Variants in NCAPH observed in about 807,000 individuals in gnomAD.
The protein encoded by NCAPH is non-SMC condensin I complex subunit H.
In NCAPH, 38 loss-of-function variants were observed where a neutral mutation model predicts 85.5. The observed-to-expected ratio is 0.44, with a 90% CI of 0.34 to 0.58. The LOEUF (loss-of-function observed/expected upper bound fraction) is 0.58, where lower values mean the gene tolerates loss of function less well. Ranked by LOEUF, NCAPH falls within the 20% of genes least tolerant of loss-of-function variation. The pLI is 0.01. For synonymous variants in NCAPH, 301 were observed against 335.1 expected (o/e 0.90, Z 1.11); for missense variants, 789 against 916.6 (o/e 0.86, Z 1.80).
At chr2:96,361,645 A>C (rs1027421908) in intron 12 of NCAPH, among the ~76,000 whole-genome samples, 7 of 151,298 alleles carry the variant, frequency 4.6e-5, no homozygotes, top group African/African-American at 1.5e-4. Flanking sequence ...CATTCCATTC[A>C]CATCCTCTGC....
At chr2:96,341,496 A>G (rs2064293782) in intron 1 of NCAPH, 146 bp from the exon 2 acceptor site, 1 of 1,102,172 alleles carries the variant, frequency 9.1e-7, no homozygotes, top group Non-Finnish European at 1.3e-6. Flanking sequence ...CCCAAACTCT[A>G]GAGGTTCTAG....
chr2:96,360,182 CA>C lies in NCAPH; in HGVS notation c.1404del (p.Asp469IlefsTer25). On this transcript the variant is annotated frameshift_variant, in exon 11 of 18. Coordinates refer to ENST00000240423, the MANE Select transcript of NCAPH (RefSeq NM_015341.5). LOFTEE classifies it high-confidence loss of function. ...CAATCAGAAAACAAAAAGAAGAGTA[CA>C]AAAAAAGATTTTGAAATTGACTTTG... ...PSQSENKKKS[T>X]KKDFEIDFED... 3 of 1,591,484 alleles carry C rather than the reference CA, an allele frequency of 1.9e-6. No homozygotes were observed. Among genetic ancestry groups the C allele is most frequent in the Non-Finnish European group, 2.6e-6 (3 of 1,162,370 alleles).
At chr2:96,362,019 C>T (rs968453634) in intron 12 of NCAPH, among the ~76,000 whole-genome samples, 5 of 151,554 alleles carry the variant, frequency 3.3e-5, no homozygotes, top group Non-Finnish European at 5.9e-5. Context: ...ACAGGGATTA[C>T]AGGCGTGAGC....
intron 6 of NCAPH, among the ~76,000 whole-genome samples, chr2:96,349,967 CAGGT>C (rs904381353): frequency 7.2e-5 from 11 of 152,270 alleles, no homozygotes; most frequent in African/African-American, 2.6e-4. Flanking sequence ...GGTGTCTTGT[CAGGT>C]AGGCATTGCC....
chr2:96,354,488 T>G, intron 9 of NCAPH, 100 bp downstream of exon 9: 1 of 1,068,840 alleles, frequency 9.4e-7, no homozygotes, highest in Non-Finnish European at 1.2e-6. Context: ...CTTTCTTTTT[T>G]TTTCCCCCCC....
intron 5 of NCAPH, among the ~76,000 whole-genome samples, chr2:96,343,814 C>T (rs1355652665): frequency 2.0e-5 from 3 of 151,810 alleles, no homozygotes; most frequent in Non-Finnish European, 4.4e-5. Context: ...GATCCTCCTG[C>T]CTCACCACCC....
At position 96,374,490 on chromosome 2, in the gene NCAPH, C is replaced by T. The variant is rs967882645; in HGVS notation, c.*1139C>T. Among the ~76,000 whole-genome samples, 2 of 152,284 alleles carry T rather than the reference C, an allele frequency of 1.3e-5. No individual in the cohort carries two copies. The highest frequency in any genetic ancestry group is 1.3e-4 in the Admixed American group (2 of 15,290). Reference sequence around the variant, plus strand: ...GGTCCTGGATCTCTGCCAGAACACCCGTCATCATTGACTGGCTAAATAGAG... The same window carrying T: ...GGTCCTGGATCTCTGCCAGAACACCTGTCATCATTGACTGGCTAAATAGAG... On this transcript the variant is annotated 3_prime_UTR_variant, in exon 18 of 18. Coordinates refer to ENST00000240423, the MANE Select transcript of NCAPH (RefSeq NM_015341.5).
chr2:96,364,539 A>G lies in NCAPH; in HGVS notation c.1646A>G (p.Asp549Gly). The change falls in exon 13 of 18, where the codon GAC becomes GGC. Residue 549 changes from aspartate to glycine, a missense_variant. Physicochemically the swap from Asp to Gly is moderately conservative, Grantham distance 94. Coordinates refer to ENST00000240423, the MANE Select transcript of NCAPH (RefSeq NM_015341.5). ...ACTGAGCATTATGAAGAAATTGAAG[A>G]CTATGATTACAACAACCCTAACGAC... ...VETEHYEEIE[D>G]YDYNNPNDTS... 1.2e-6 allele frequency: 2 copies of G among 1,613,912 alleles called. No homozygotes were observed. Among genetic ancestry groups the G allele is most frequent in the Non-Finnish European group, 1.7e-6 (2 of 1,179,782 alleles).
intron 12 of NCAPH, among the ~76,000 whole-genome samples, chr2:96,363,521 A>G (rs1309081465): frequency 1.3e-5 from 2 of 152,216 alleles, no homozygotes; most frequent in South Asian, 2.1e-4. Context: ...TGAGGCACAG[A>G]ATTATATTAA....
intron 10 of NCAPH, 44 bp from the exon 11 acceptor site, chr2:96,360,099 T>G: frequency 9.1e-7 from 1 of 1,101,876 alleles, no homozygotes. Context: ...GTAAATAGTT[T>G]AGGCCACAGA....
At chr2:96,361,829 T>TA (rs1491107013) in intron 12 of NCAPH, among the ~76,000 whole-genome samples, 2,575 of 70,576 alleles carry the variant, frequency 0.036, 41 homozygotes, top group African/African-American at 0.064. Context: ...TATATATATA[T>TA]TTTTTTTTTT....
chr2:96,364,083 T>TAC, intron 12 of NCAPH, among the ~76,000 whole-genome samples: 1 of 152,206 alleles, frequency 6.6e-6, no homozygotes, highest in Non-Finnish European at 1.5e-5. Context: ...ATTACAGGTG[T>TAC]GAGTCACCGT....
At chr2:96,359,856 C>T (rs1316069781) in intron 10 of NCAPH, among the ~76,000 whole-genome samples, 1 of 152,238 alleles carries the variant, frequency 6.6e-6, no homozygotes, top group Non-Finnish European at 1.5e-5. Context: ...CTCCTGGCCT[C>T]AAGTGATCCT....
At chr2:96,367,401 T>A (rs1558803399) in intron 15 of NCAPH, 28 bp downstream of exon 15, 8 of 1,540,456 alleles carry the variant, frequency 5.2e-6, no homozygotes, top group Non-Finnish European at 7.2e-6. Context: ...GTTCTCTAGG[T>A]GCCCAGCATG....
chr2:96,363,164 A>C (rs952470863), intron 12 of NCAPH, among the ~76,000 whole-genome samples: 2 of 152,262 alleles, frequency 1.3e-5, no homozygotes, highest in African/African-American at 4.8e-5. Flanking sequence ...AACTCACTGA[A>C]GGCTGATATG....
intron 12 of NCAPH, among the ~76,000 whole-genome samples, chr2:96,361,810 A>ATG (rs2064622587): frequency 1.2e-5 from 1 of 80,470 alleles, no homozygotes; most frequent in Non-Finnish European, 2.7e-5. Flanking sequence ...ATATGTGTAT[A>ATG]TATATATATA....
Position 96,373,822 on chromosome 2 carries a change from C to T in NCAPH, c.*471C>T, listed in dbSNP as rs2064803553. On this transcript the variant is annotated 3_prime_UTR_variant, in exon 18 of 18. Transcript: ENST00000240423. Reference sequence around the variant, plus strand: ...ATATAGAATGCTCAAAAATAAAATTCTTAATAATAGAACTGGCAAAATATT... The same window carrying T: ...ATATAGAATGCTCAAAAATAAAATTTTTAATAATAGAACTGGCAAAATATT... The T allele has an allele frequency of 6.6e-6, 1 of 151,304 alleles. No individual in the cohort carries two copies. The highest frequency in any genetic ancestry group is 2.5e-5 in the African/African-American group (1 of 39,918). 9.4% of individuals were successfully genotyped at this position (151,304 alleles called of 1,614,324 possible).
chr2:96,368,980 C>T lies in NCAPH; in HGVS notation c.2007C>T (p.His669=). Reference sequence around the variant, plus strand: ...AAATGTGCTTCTGTTAGGCAAACCACAGGGAAGCTGGAAAAGAAGCGGCCC... The same window carrying T: ...AAATGTGCTTCTGTTAGGCAAACCATAGGGAAGCTGGAAAAGAAGCGGCCC... ...SGKEADAEAN[H]REAGKEAALA... The change falls in exon 16 of 18, where the codon CAC becomes CAT. Residue 669 remains histidine (H), a synonymous_variant. Transcript: ENST00000240423. 2 of 1,554,132 alleles carry T rather than the reference C, an allele frequency of 1.3e-6. No individual in the cohort carries two copies. The highest frequency in any genetic ancestry group is 1.7e-6 in the Non-Finnish European group (2 of 1,148,238).
chr2:96,369,008 G>C lies in NCAPH; in HGVS notation c.2035G>C (p.Ala679Pro). ...GGAAGCTGGAAAAGAAGCGGCCCTGGCAGAAGTGGCTGACGAGAAGATGCT... is the reference window on the plus strand; with the variant it reads ...GGAAGCTGGAAAAGAAGCGGCCCTGCCAGAAGTGGCTGACGAGAAGATGCT... ...HREAGKEAALAEVADEKMLSG... is the reference protein window; with the variant it reads ...HREAGKEAALPEVADEKMLSG... The change falls in exon 16 of 18, where the codon GCA (alanine) becomes CCA (proline). Residue 679 changes from alanine to proline, a missense_variant. Transcript: ENST00000240423. The C allele has an allele frequency of 6.4e-7, 1 of 1,556,656 alleles. No individual in the cohort carries two copies. Among genetic ancestry groups the C allele is most frequent in the Non-Finnish European group, 8.7e-7 (1 of 1,149,640 alleles).
Sources: allele counts gnomAD v4.1 joint callset (sites outside exome capture counted in the v4.1 genomes callset), GRCh38; gene constraint gnomAD v4.1.1; transcripts MANE v1.5; gene names NCBI Gene and HGNC (gene_info 2026-07-23, HGNC 2026-07-21).